OR6C1: variants seen among roughly 807,000 people sequenced by gnomAD.
The protein encoded by OR6C1 is olfactory receptor 6C1.
For missense variants in OR6C1, 386 were observed against 366.1 expected, an observed-to-expected ratio of 1.05 and a Z score of -0.44; for synonymous variants, 157 against 133.3, an observed-to-expected ratio of 1.18 and a Z score of -1.22.
chr12:55,318,944 A>G (rs990389001), intron 1 of OR6C1, among the ~76,000 whole-genome samples: 13 of 151,984 alleles, frequency 8.6e-5, no homozygotes, highest in African/African-American at 3.1e-4. Context: ...TTAAAAAGAA[A>G]GAATTAAAAA....
intron 1 of OR6C1, among the ~76,000 whole-genome samples, chr12:55,316,372 T>C (rs1014991148): frequency 2.6e-5 from 4 of 151,824 alleles, no homozygotes; most frequent in African/African-American, 4.8e-5. Flanking sequence ...CCATTTTATT[T>C]AGTAAATATT....
chr12:55,320,018 G>C (rs1592262538), intron 1 of OR6C1, among the ~76,000 whole-genome samples: 2 of 152,210 alleles, frequency 1.3e-5, no homozygotes, highest in Middle Eastern at 6.8e-3. Flanking sequence ...GCACGTGCCT[G>C]TAATCCCAGC....
rs1948638008 is a variant in OR6C1 at position 55,320,838 on chromosome 12, T to A, written c.239T>A (p.Leu80Gln). The A allele has an allele frequency of 1.2e-6, 2 of 1,613,544 alleles. No homozygotes were observed. The highest frequency in any genetic ancestry group is 8.5e-7 in the Non-Finnish European group (1 of 1,179,688). Residue 80 changes from leucine to glutamine, a missense_variant, in exon 2 of 2, where the codon CTG becomes CAG. Coordinates refer to ENST00000642104, the MANE Select transcript of OR6C1 (RefSeq NM_001005182.2). ...ACAACCGTCAGTATACCCAAGTTTC[T>A]GGGTAACATTATTTCAGGAGATAAA... ...SFTTVSIPKF[L>Q]GNIISGDKTI... is the part of the protein sequence containing the mutation.
At position 55,321,282 on chromosome 12, in the gene OR6C1, C is replaced by T. The variant is rs1192837405; in HGVS notation, c.683C>T (p.Ser228Phe). The change falls in exon 2 of 2, where the codon TCT becomes TTT. Residue 228 changes from serine (S) to phenylalanine (F), a missense_variant. Coordinates refer to ENST00000642104, the MANE Select transcript of OR6C1 (RefSeq NM_001005182.2). ...YIIRTILRIP[S>F]TSQRTKAFST... is the part of the protein sequence containing the mutation. ...ATCAGAACAATTTTGAGAATTCCTTCTACTAGTCAGAGGACAAAGGCCTTT... is the reference window on the plus strand; with the variant it reads ...ATCAGAACAATTTTGAGAATTCCTTTTACTAGTCAGAGGACAAAGGCCTTT... 1.4e-5 allele frequency: 22 copies of T among 1,613,320 alleles called. No homozygotes were observed. The highest frequency in any genetic ancestry group is 1.9e-5 in the Non-Finnish European group (22 of 1,179,432).
At position 55,320,700 on chromosome 12, in the gene OR6C1, T is replaced by C. The variant is rs760668053; in HGVS notation, c.101T>C (p.Met34Thr). The C allele has an allele frequency of 1.2e-6, 2 of 1,613,902 alleles. No homozygotes were observed. The highest frequency in any genetic ancestry group is 2.2e-5 in the East Asian group (1 of 44,872). Residue 34 changes from methionine to threonine, a missense_variant, in exon 2 of 2, where the codon ATG becomes ACG. Met to Thr is a moderately conservative substitution (Grantham distance 81, BLOSUM62 -1). Coordinates refer to ENST00000642104, the MANE Select transcript of OR6C1 (RefSeq NM_001005182.2). ...TTTGTCTTCCTGCTCATCACCTACA[T>C]GCTCAGCATCACTGGGAACCTGACC... Reference protein sequence around the residue: ...VIFVFLLITYMLSITGNLTLI... With the variant: ...VIFVFLLITYTLSITGNLTLI...
At chr12:55,319,384 T>G (rs1478425749) in intron 1 of OR6C1, among the ~76,000 whole-genome samples, 1 of 152,152 alleles carries the variant, frequency 6.6e-6, no homozygotes, top group Non-Finnish European at 1.5e-5. Context: ...ATCTCTAAAA[T>G]TTAAAACATC....
chr12:55,319,172 A>C (rs1868472967), intron 1 of OR6C1, among the ~76,000 whole-genome samples: 1 of 152,188 alleles, frequency 6.6e-6, no homozygotes, highest in South Asian at 2.1e-4. Flanking sequence ...ATTGATTCAC[A>C]TGCAATAAAC....
rs150955199 is a variant in OR6C1, at chr12:55,319,402, G to A, written c.-33-1165G>A. ...TCTAAAATTTAAAACATCTTAGGTGGTAACCAAAAACTTCAATTCAAGGAA... is the reference window on the plus strand; with the variant it reads ...TCTAAAATTTAAAACATCTTAGGTGATAACCAAAAACTTCAATTCAAGGAA... On this transcript the variant is annotated intron_variant, in intron 1 of 1. Transcript: ENST00000642104. Among the ~76,000 whole-genome samples, 9 of 152,276 alleles carry A rather than the reference G, an allele frequency of 5.9e-5. No individual in the cohort carries two copies. The East Asian group carries it at 1.7e-3, about 29-fold the overall frequency.
chr12:55,317,604 A>T (rs920549006), intron 1 of OR6C1, among the ~76,000 whole-genome samples: 1 of 151,972 alleles, frequency 6.6e-6, no homozygotes, highest in Non-Finnish European at 1.5e-5. Context: ...AACAAACTCA[A>T]CTTTAATTAA....
chr12:55,320,011 C>T (rs1255586446), intron 1 of OR6C1, among the ~76,000 whole-genome samples: 7 of 151,934 alleles, frequency 4.6e-5, no homozygotes, highest in East Asian at 3.9e-4. Flanking sequence ...CGTGGTGGCA[C>T]GTGCCTGTAA....
intron 1 of OR6C1, among the ~76,000 whole-genome samples, chr12:55,316,096 T>TACAC (rs35664107): frequency 4.3e-4 from 61 of 140,990 alleles, no homozygotes; most frequent in South Asian, 3.4e-3. Flanking sequence ...AAAAAGTACA[T>TACAC]ACACACACAC....
rs761233931 is a variant in OR6C1 at position 55,320,872 on chromosome 12, C to G, written c.273C>G (p.Ser91=). The G allele has an allele frequency of 6.2e-7, 1 of 1,613,918 alleles. No individual in the cohort carries two copies. Among genetic ancestry groups the G allele is most frequent in the Non-Finnish European group, 8.5e-7 (1 of 1,179,896 alleles). Residue 91 remains serine (S), a synonymous_variant, in exon 2 of 2, where the codon TCC becomes TCG. Coordinates refer to ENST00000642104, the MANE Select transcript of OR6C1 (RefSeq NM_001005182.2). ...TTATTTCAGGAGATAAAACCATTTC[C>G]TTTAATAATTGCATAGTTCAGTTAT... The part of the protein sequence containing the change: ...GNIISGDKTI[S]FNNCIVQLFF...
rs1298257513 is a variant in OR6C1, at chr12:55,322,155, CTG to C, written c.*619_*620del. ...ATTTGTGAATCCCATAATATTCTCT[CTG>C]TAGAATGACAGATGATGGATAGACA... On this transcript the variant is annotated 3_prime_UTR_variant, in exon 2 of 2. Coordinates refer to ENST00000642104, the MANE Select transcript of OR6C1 (RefSeq NM_001005182.2). The C allele has an allele frequency of 1.3e-5, 2 of 151,924 alleles. No homozygotes were observed. The highest frequency in any genetic ancestry group is 2.9e-5 in the Non-Finnish European group (2 of 67,924). The allele number at this position is 151,924 out of a possible 1,614,324, so 9.4% of individuals were successfully genotyped here.
chr12:55,321,044 G>C lies in OR6C1; in HGVS notation c.445G>C (p.Val149Leu). 1 of 1,613,542 alleles carries C rather than the reference G, an allele frequency of 6.2e-7. No homozygotes were observed. The change falls in exon 2 of 2, where the codon GTT becomes CTT. Residue 149 changes from valine to leucine, a missense_variant. Transcript: ENST00000642104. The part of the protein sequence containing the change: ...CTLLVFTSWL[V>L]SFLIIFPALM... ...ACTGCTTGTTTTTACTTCTTGGCTG[G>C]TTTCATTCTTAATCATATTCCCAGC...
chr12:55,318,302 A>C (rs1012624952), intron 1 of OR6C1, among the ~76,000 whole-genome samples: 1 of 150,250 alleles, frequency 6.7e-6, no homozygotes, highest in Non-Finnish European at 1.5e-5. Flanking sequence ...CAGCTATACC[A>C]TGGTGGGAGA....
In OR6C1 at chr12:55,320,766, C is replaced by T. The variant is rs1216752302; in HGVS notation, c.167C>T (p.Pro56Leu). 3 of 1,613,972 alleles carry T rather than the reference C, an allele frequency of 1.9e-6. No homozygotes were observed. In the East Asian group the frequency reaches 6.7e-5, roughly 36 times the overall value. Residue 56 changes from proline (P) to leucine (L), a missense_variant, in exon 2 of 2, where the codon CCC becomes CTC. By Grantham distance (98) the Pro-to-Leu change is moderately conservative. Transcript: ENST00000642104. Reference protein sequence around the residue: ...ITLLDSHLQTPMYFFLRNFSI... With the variant: ...ITLLDSHLQTLMYFFLRNFSI... ...CTGCTGGATTCCCACCTGCAGACCCCCATGTATTTCTTCCTCAGAAATTTC... is the reference window on the plus strand; with the variant it reads ...CTGCTGGATTCCCACCTGCAGACCCTCATGTATTTCTTCCTCAGAAATTTC...
Position 55,321,624 on chromosome 12 carries a change from GTCTTCTGCATCATTTTCTTTTCCCTAA to G in OR6C1, c.*87_*113del. ...CTTCAATCAAAATGGCCTCCTTGCAGTCTTCTGCATCATTTTCTTTTCCCTAAAAGTTTGCAAGCATATTTATTTAAT... is the reference window on the plus strand; with the variant it reads ...CTTCAATCAAAATGGCCTCCTTGCAGAAGTTTGCAAGCATATTTATTTAAT... On this transcript the variant is annotated 3_prime_UTR_variant, in exon 2 of 2. Transcript: ENST00000642104. 2 of 787,762 alleles carry G rather than the reference GTCTTCTGCATCATTTTCTTTTCCCTAA, an allele frequency of 2.5e-6. No homozygotes were observed. The highest frequency in any genetic ancestry group is 4.0e-6 in the Non-Finnish European group (2 of 497,386). 48.8% of individuals were successfully genotyped at this position (787,762 alleles called of 1,614,324 possible).
At chr12:55,319,485 C>T (rs1251173082) in intron 1 of OR6C1, among the ~76,000 whole-genome samples, 2 of 152,162 alleles carry the variant, frequency 1.3e-5, no homozygotes, top group African/African-American at 4.8e-5. Context: ...AGGTTAGAAT[C>T]TGCATAAAAA....
rs926698349 is a variant in OR6C1, at chr12:55,320,304, T to C, written c.-33-263T>C. ...TGTCTTTGAAAGATAACAGGTATTATGTGGAGTCAGGAAAGTCTGGTTTCA... is the reference window on the plus strand; with the variant it reads ...TGTCTTTGAAAGATAACAGGTATTACGTGGAGTCAGGAAAGTCTGGTTTCA... On this transcript the variant is annotated intron_variant, in intron 1 of 1. Coordinates refer to ENST00000642104, the MANE Select transcript of OR6C1 (RefSeq NM_001005182.2). 3.3e-5 allele frequency among the ~76,000 whole-genome samples: 5 copies of C among 152,166 alleles called. No individual in the cohort carries two copies. The South Asian group carries it at 6.2e-4, about 19-fold the overall frequency.
Sources: allele counts gnomAD v4.1 joint callset (sites outside exome capture counted in the v4.1 genomes callset), GRCh38; gene constraint gnomAD v4.1.1; transcripts MANE v1.5; gene names NCBI Gene and HGNC (gene_info 2026-07-23, HGNC 2026-07-21).